The following FBRSL1 variants were observed in gnomAD, a reference collection of about 807,000 sequenced individuals.
FBRSL1 encodes the protein fibrosin like 1.
Under a neutral mutation model 89.6 loss-of-function variants are expected in FBRSL1, and 51 were observed. The observed-to-expected ratio is 0.57, with a 90% CI of 0.45 to 0.72. The LOEUF (loss-of-function observed/expected upper bound fraction) is 0.72. Among genes scored for constraint, FBRSL1 ranks in the 30% least tolerant of loss-of-function variants. FBRSL1 has a pLI of 0.00. For missense variants in FBRSL1, 1,618 were observed against 1,451.8 expected, an observed-to-expected ratio of 1.11 and a Z score of -1.86; for synonymous variants, 779 against 681.1, an observed-to-expected ratio of 1.14 and a Z score of -2.24.
chr12:132,528,329 C>T (rs562678014), intron 4 of FBRSL1, among the ~76,000 whole-genome samples: 3 of 152,146 alleles, frequency 2.0e-5, no homozygotes, highest in Admixed American at 6.5e-5. Flanking sequence ...CTAAGGGTGC[C>T]GGGATCCGCG....
At chr12:132,513,630 T>C (rs2034569297) in intron 2 of FBRSL1, among the ~76,000 whole-genome samples, 1 of 152,024 alleles carries the variant, frequency 6.6e-6, no homozygotes, top group African/African-American at 2.4e-5. Flanking sequence ...GAAGGGGTTA[T>C]GGGGAGGGCG....
intron 15 of FBRSL1, 40 bp downstream of exon 15, chr12:132,576,971 T>A: frequency 1.3e-6 from 2 of 1,531,378 alleles, no homozygotes; most frequent in Non-Finnish European, 1.8e-6. Context: ...CACAGAAACC[T>A]CCCGCTCGTG....
chr12:132,567,030 G>A (rs2039674692), intron 5 of FBRSL1, among the ~76,000 whole-genome samples: 1 of 152,244 alleles, frequency 6.6e-6, no homozygotes. Context: ...GCCTGTGCTG[G>A]GCAGTGGTTG....
chr12:132,560,154 C>T (rs1177212597), intron 5 of FBRSL1: 2 of 151,356 alleles, frequency 1.3e-5, no homozygotes, highest in Non-Finnish European at 3.0e-5. Flanking sequence ...CCACCCGGGG[C>T]TCGCGCTCCA....
At chr12:132,494,576 A>G (rs942711391) in intron 1 of FBRSL1, among the ~76,000 whole-genome samples, 8 of 152,250 alleles carry the variant, frequency 5.3e-5, no homozygotes, top group African/African-American at 1.7e-4. Flanking sequence ...GGGAGGTGGC[A>G]GGGTGCCCAG....
intron 14 of FBRSL1, 95 bp downstream of exon 14, chr12:132,574,659 G>A (rs752003475): frequency 5.2e-5 from 73 of 1,407,704 alleles, no homozygotes; most frequent in Non-Finnish European, 6.0e-5. Flanking sequence ...GTGTTCACAC[G>A]CGTGTGCACG....
chr12:132,541,573 G>A (rs942529523), intron 4 of FBRSL1, among the ~76,000 whole-genome samples: 3 of 152,222 alleles, frequency 2.0e-5, no homozygotes, highest in Admixed American at 6.5e-5. Flanking sequence ...CCACATGGTG[G>A]AGGGGTGCGG....
intron 2 of FBRSL1, among the ~76,000 whole-genome samples, chr12:132,522,526 T>G (rs1297038246): frequency 3.9e-5 from 6 of 152,238 alleles, no homozygotes; most frequent in South Asian, 4.1e-4. Flanking sequence ...AGGAGCAGGT[T>G]GCTGAGGGTT....
chr12:132,543,820 C>T (rs990071122), intron 4 of FBRSL1, among the ~76,000 whole-genome samples: 2 of 152,334 alleles, frequency 1.3e-5, no homozygotes. Flanking sequence ...GAAACCGGTG[C>T]CTGTGCTTCC....
At chr12:132,572,042 G>T (rs535012023) in intron 9 of FBRSL1, 3 of 561,382 alleles carry the variant, frequency 5.3e-6, no homozygotes, top group East Asian at 3.0e-5. Flanking sequence ...CAGACTGCCT[G>T]GGGGGGCCGA....
chr12:132,565,190 G>A (rs114562366), intron 5 of FBRSL1: 1 of 152,190 alleles, frequency 6.6e-6, no homozygotes, highest in East Asian at 1.9e-4. Context: ...TATGTTTGTC[G>A]TTGTTGCATT....
Position 132,583,012 on chromosome 12 carries a change from C to CGG in FBRSL1, c.2243_2244insGG (p.Thr750ProfsTer64). On this transcript the variant is annotated frameshift_variant, in exon 19 of 19. Coordinates refer to ENST00000680143, the MANE Select transcript of FBRSL1 (RefSeq NM_001367871.1). LOFTEE classifies it high-confidence loss of function. ...ACGCGCCTGCTGAGCCGGGCCTCGC[C>CGG]CGCCACCCCCGCTGGCCACCCCGTC... The CGG allele has an allele frequency of 6.9e-7, 1 of 1,456,320 alleles. No homozygotes were observed. 90.2% of individuals were successfully genotyped at this position (1,456,320 alleles called of 1,614,324 possible). A position where few individuals can be genotyped will look rare whatever the true frequency, so the allele number is the denominator to read the frequency against.
rs772159684 is a variant in FBRSL1, at chr12:132,490,799, CAGG to C, written c.239_241del (p.Glu80del). 37 of 1,340,148 alleles carry C rather than the reference CAGG, an allele frequency of 2.8e-5. No homozygotes were observed. Among genetic ancestry groups the C allele is most frequent in the South Asian group, 5.6e-5 (3 of 53,306 alleles). 83.0% of individuals were successfully genotyped at this position (1,340,148 alleles called of 1,614,324 possible). A position where few individuals can be genotyped will look rare whatever the true frequency, so the allele number is the denominator to read the frequency against. ...CCGCCGCCGCCGCGAGTCCAGCTCG[CAGG>C]AGGAGGAGGTCATCGACGGCTTCGC... On this transcript the variant is annotated inframe_deletion, in exon 1 of 19. Coordinates refer to ENST00000680143, the MANE Select transcript of FBRSL1 (RefSeq NM_001367871.1).
Position 132,583,005 on chromosome 12 carries a change from G to A in FBRSL1, c.2236G>A (p.Ala746Thr). 2.7e-6 allele frequency: 4 copies of A among 1,454,632 alleles called. No homozygotes were observed. The highest frequency in any genetic ancestry group is 2.7e-5 in the South Asian group (2 of 75,414). 90.1% of individuals were successfully genotyped at this position (1,454,632 alleles called of 1,614,324 possible). Reference protein sequence around the residue: ...LLEKTRLLSRASPATPAGHPV... With the variant: ...LLEKTRLLSRTSPATPAGHPV... ...GGAGAAGACGCGCCTGCTGAGCCGG[G>A]CCTCGCCCGCCACCCCCGCTGGCCA... The change falls in exon 19 of 19, where the codon GCC becomes ACC. Residue 746 changes from alanine (A) to threonine (T), a missense_variant. Coordinates refer to ENST00000680143, the MANE Select transcript of FBRSL1 (RefSeq NM_001367871.1).
At chr12:132,582,352 C>T in intron 18 of FBRSL1, 86 bp downstream of exon 18, 3 of 1,188,752 alleles carry the variant, frequency 2.5e-6, no homozygotes, top group Non-Finnish European at 3.6e-6. Context: ...TCCCCCTCCC[C>T]CGTTCCCTCT....
intron 4 of FBRSL1, among the ~76,000 whole-genome samples, chr12:132,534,580 C>T (rs1038662195): frequency 3.5e-4 from 53 of 152,394 alleles, no homozygotes; most frequent in African/African-American, 1.1e-3. Context: ...GCAGCGGGCA[C>T]GCGCTCTTTT....
intron 1 of FBRSL1, among the ~76,000 whole-genome samples, chr12:132,505,529 C>T (rs1218645983): frequency 2.0e-5 from 3 of 152,214 alleles, no homozygotes; most frequent in Non-Finnish European, 2.9e-5. Flanking sequence ...GGGGTGACCA[C>T]GCTGCTGCCT....
At chr12:132,582,850 C>T (rs1267341942) in intron 18 of FBRSL1, 121 bp from the exon 19 acceptor site, 5 of 760,470 alleles carry the variant, frequency 6.6e-6, no homozygotes. Flanking sequence ...GCTGTGGGTG[C>T]TGAGGGGTCA....
intron 15 of FBRSL1, among the ~76,000 whole-genome samples, chr12:132,579,146 T>C (rs568164251): frequency 3.0e-4 from 46 of 152,348 alleles, no homozygotes; most frequent in Non-Finnish European, 7.3e-5. Flanking sequence ...GGGCCAGTGC[T>C]GCCTCCTCCA....
Sources: allele counts gnomAD v4.1 joint callset (sites outside exome capture counted in the v4.1 genomes callset), GRCh38; gene constraint gnomAD v4.1.1; transcripts MANE v1.5; gene names NCBI Gene and HGNC (gene_info 2026-07-23, HGNC 2026-07-21).